The following ZNF609 variants were observed in gnomAD, a reference collection of about 807,000 sequenced individuals.
ZNF609 encodes zinc finger protein 609.
Under a neutral mutation model 109.5 loss-of-function variants are expected in ZNF609, and 11 were observed. The observed-to-expected ratio is 0.10, with a 90% CI of 0.06 to 0.17. The LOEUF (loss-of-function observed/expected upper bound fraction) is 0.17, where lower values mean the gene tolerates loss of function less well. ZNF609 is among the 10% of genes least tolerant of loss of function. ZNF609 has a pLI of 1.00. For missense variants in ZNF609, 1,559 were observed against 1,772.4 expected, an observed-to-expected ratio of 0.88 and a Z score of 2.16; for synonymous variants, 646 against 662.0, an observed-to-expected ratio of 0.98 and a Z score of 0.37.
At chr15:64,667,204 A>G (rs373626813) in intron 3 of ZNF609, among the ~76,000 whole-genome samples, 53 of 152,356 alleles carry the variant, frequency 3.5e-4, no homozygotes, top group African/African-American at 1.3e-3. Flanking sequence ...ACACTATAAC[A>G]AAGCCAGGAT....
intron 1 of ZNF609, among the ~76,000 whole-genome samples, chr15:64,487,054 A>C (rs1415700853): frequency 2.0e-5 from 3 of 152,186 alleles, no homozygotes; most frequent in Non-Finnish European, 4.4e-5. Context: ...GCCGTTTGAT[A>C]TACTACTATT....
chr15:64,465,887 G>A (rs988115399), intron 1 of ZNF609, among the ~76,000 whole-genome samples: 2 of 151,562 alleles, frequency 1.3e-5, no homozygotes, highest in Admixed American at 6.6e-5. Context: ...AGGCTGAGGC[G>A]GGCAGATCAC....
At chr15:64,536,710 C>G (rs552457923) in intron 2 of ZNF609, among the ~76,000 whole-genome samples, 1 of 128,436 alleles carries the variant, frequency 7.8e-6, no homozygotes, top group East Asian at 3.0e-4. Context: ...GACCTCGTCT[C>G]TACTAAAATT....
chr15:64,646,305 G>T (rs1368614701), intron 3 of ZNF609, among the ~76,000 whole-genome samples: 3 of 151,726 alleles, frequency 2.0e-5, no homozygotes. Context: ...ACCAGCCTGG[G>T]CAACATAGCA....
rs756849279 is a variant in ZNF609 at position 64,675,271 on chromosome 15, C to G, written c.2417C>G (p.Ser806Cys). ...YSFTDNAPSP[S>C]IGGSSRLENT... is the part of the protein sequence containing the mutation. ...TTCACGGACAATGCCCCCAGCCCTT[C>G]CATTGGAGGCAGTAGCCGCCTTGAA... Residue 806 changes from serine to cysteine, a missense_variant, in exon 5 of 10, where the codon TCC becomes TGC. Physicochemically the swap from Ser to Cys is moderately radical, Grantham distance 112. Around this residue, in one of 4 missense-constraint regions of ZNF609, gnomAD observed 1,204 missense variants for 1,314.1 expected, o/e 0.92. Transcript: ENST00000326648. The G allele has an allele frequency of 6.2e-7, 1 of 1,614,128 alleles. No homozygotes were observed. The highest frequency in any genetic ancestry group is 1.1e-5 in the South Asian group (1 of 91,092).
intron 2 of ZNF609, among the ~76,000 whole-genome samples, chr15:64,507,415 CCTCT>C (rs1893652917): frequency 6.6e-6 from 1 of 152,108 alleles, no homozygotes; most frequent in Admixed American, 6.5e-5. Flanking sequence ...CTGTCTGAGC[CCTCT>C]CTCTGTGGTT....
Position 64,585,280 on chromosome 15 carries a change from G to A in ZNF609, c.748-37547G>A, listed in dbSNP as rs548419358. On this transcript the variant is annotated intron_variant, in intron 2 of 9. Coordinates refer to ENST00000326648, the MANE Select transcript of ZNF609 (RefSeq NM_015042.2). ...GTGGTGGTTGCAGCGAGCCAAGATC[G>A]TGTCACTGCACTCCAGCCTGGGTGA... Among the ~76,000 whole-genome samples, 11 of 152,172 alleles carry A rather than the reference G, an allele frequency of 7.2e-5. No individual in the cohort carries two copies. The South Asian group carries it at 1.2e-3, about 17-fold the overall frequency.
At chr15:64,663,485 A>G (rs1896607818) in intron 3 of ZNF609, among the ~76,000 whole-genome samples, 1 of 152,106 alleles carries the variant, frequency 6.6e-6, no homozygotes, top group East Asian at 1.9e-4. Context: ...TAAGTTTGAG[A>G]TCTCCATTTA....
At chr15:64,640,185 C>CT (rs1054949109) in intron 3 of ZNF609, among the ~76,000 whole-genome samples, 1 of 151,918 alleles carries the variant, frequency 6.6e-6, no homozygotes, top group Non-Finnish European at 1.5e-5. Context: ...CCTCCTCTCT[C>CT]TTTTTTTAAA....
At chr15:64,654,221 G>A (rs1401950432) in intron 3 of ZNF609, 1 of 152,002 alleles carries the variant, frequency 6.6e-6, no homozygotes, top group Non-Finnish European at 1.5e-5. Context: ...ATTTTTAGTG[G>A]AGATGGTGTT....
At chr15:64,681,183 A>C in intron 8 of ZNF609, 126 bp from the exon 9 acceptor site, 1 of 833,482 alleles carries the variant, frequency 1.2e-6, no homozygotes, top group Middle Eastern at 3.1e-4. Context: ...CTTATTATCT[A>C]TCTCCAGCAA....
intron 2 of ZNF609, among the ~76,000 whole-genome samples, chr15:64,582,713 TTTC>T (rs1895126345): frequency 2.2e-5 from 1 of 46,266 alleles, no homozygotes; most frequent in African/African-American, 4.5e-5. Flanking sequence ...TCTTTCTTTC[TTTC>T]TTTTTTCTTT....
At chr15:64,627,663 CTTTTTTTTTT>C (rs35293725) in intron 3 of ZNF609, among the ~76,000 whole-genome samples, 3 of 86,016 alleles carry the variant, frequency 3.5e-5, no homozygotes, top group East Asian at 7.9e-4. Context: ...TTTTTTCTTT[CTTTTTTTTTT>C]TTTTTTTTTT....
At chr15:64,550,324 A>G (rs1016952423) in intron 2 of ZNF609, among the ~76,000 whole-genome samples, 21 of 150,850 alleles carry the variant, frequency 1.4e-4, no homozygotes, top group South Asian at 6.3e-4. Flanking sequence ...TGTTGTTGTT[A>G]TTGTTGTTGT....
At chr15:64,584,390 T>C (rs1003827730) in intron 2 of ZNF609, among the ~76,000 whole-genome samples, 1 of 152,172 alleles carries the variant, frequency 6.6e-6, no homozygotes, top group Non-Finnish European at 1.5e-5. Context: ...TGGAGTCCAG[T>C]GGCGTGATCT....
intron 2 of ZNF609, among the ~76,000 whole-genome samples, chr15:64,616,021 ATTTC>A (rs992331266): frequency 6.6e-6 from 1 of 151,952 alleles, no homozygotes; most frequent in Non-Finnish European, 1.5e-5. Context: ...TCTTCAATGA[ATTTC>A]TTTTTTTTTC....
intron 3 of ZNF609, among the ~76,000 whole-genome samples, chr15:64,638,812 C>A (rs956220092): frequency 1.3e-5 from 2 of 152,178 alleles, no homozygotes; most frequent in African/African-American, 4.8e-5. Context: ...GGAGGATCAC[C>A]TGAGTCCAGG....
At chr15:64,493,715 C>G (rs1354993226) in intron 1 of ZNF609, among the ~76,000 whole-genome samples, 1 of 152,168 alleles carries the variant, frequency 6.6e-6, no homozygotes, top group Non-Finnish European at 1.5e-5. Flanking sequence ...ATCACAGAAA[C>G]TTGTGCAAGT....
chr15:64,614,520 A>G (rs2140964265), intron 2 of ZNF609, among the ~76,000 whole-genome samples: 1 of 152,286 alleles, frequency 6.6e-6, no homozygotes, highest in African/African-American at 2.4e-5. Context: ...GGCGTGAGCC[A>G]CCGCGCCTGG....
Sources: gnomAD v4.1 joint callset for allele counts (sites outside exome capture counted in the v4.1 genomes callset) on GRCh38, gnomAD v4.1.1 for gene constraint, gnomAD v4.1.1 regional missense constraint, MANE v1.5 for transcripts, NCBI Gene and HGNC (gene_info 2026-07-23, HGNC 2026-07-21) for gene names.